Variants in PCCA observed in about 807,000 individuals in gnomAD.
PCCA encodes the protein propionyl-CoA carboxylase subunit alpha, also known as propionyl-CoA carboxylase alpha chain, mitochondrial.
Under a neutral mutation model 101.3 loss-of-function variants are expected in PCCA, and 74 were observed. The ratio of observed to expected loss-of-function variants is 0.73; its 90% CI spans 0.61 to 0.89. The LOEUF (loss-of-function observed/expected upper bound fraction) is 0.89, where lower values mean the gene tolerates loss of function less well. Among genes scored for constraint, PCCA ranks in the 40% least tolerant of loss-of-function variants. The probability of loss-of-function intolerance (pLI) is 0.00; values close to 1 mark genes in which losing one functional copy is unlikely to be tolerated. For synonymous variants in PCCA, 294 were observed against 313.6 expected, an observed-to-expected ratio of 0.94 and a Z score of 0.66; for missense variants, 891 against 907.0, an observed-to-expected ratio of 0.98 and a Z score of 0.23.
chr13:100,224,425 G>A (rs776485803), intron 7 of PCCA, among the ~76,000 whole-genome samples: 1 of 152,222 alleles, frequency 6.6e-6, no homozygotes, highest in East Asian at 1.9e-4. Context: ...TCCCGCTGGC[G>A]CCTCTCCCTC....
intron 8 of PCCA, among the ~76,000 whole-genome samples, chr13:100,256,110 C>T (rs112813450): frequency 6.6e-6 from 1 of 152,094 alleles, no homozygotes; most frequent in Admixed American, 6.6e-5. Context: ...CAGGTTCAAG[C>T]GATTCTCTTG....
intron 8 of PCCA, among the ~76,000 whole-genome samples, chr13:100,239,188 T>C (rs2060977348): frequency 3.3e-5 from 5 of 152,228 alleles, no homozygotes; most frequent in Admixed American, 3.3e-4. Flanking sequence ...ATGCTAATTC[T>C]TGGGTTTAAT....
intron 6 of PCCA, among the ~76,000 whole-genome samples, chr13:100,197,819 G>A (rs551610552): frequency 5.3e-5 from 8 of 152,172 alleles, no homozygotes; most frequent in African/African-American, 9.6e-5. Context: ...TGGGAGAAGG[G>A]GCCATTCTTC....
At chr13:100,181,184 A>T (rs1415824775) in intron 6 of PCCA, among the ~76,000 whole-genome samples, 1 of 152,112 alleles carries the variant, frequency 6.6e-6, no homozygotes, top group African/African-American at 2.4e-5. Context: ...GAATTGGGAG[A>T]TATATTTTTG....
chr13:100,488,043 A>G (rs2084533537), intron 21 of PCCA, among the ~76,000 whole-genome samples: 1 of 151,822 alleles, frequency 6.6e-6, no homozygotes, highest in Non-Finnish European at 1.5e-5. Context: ...ATGTATATAT[A>G]TATATTTTTT....
rs534026749 is a variant in PCCA, at chr13:100,089,332, G to A, written c.105+107G>A. On this transcript the variant is annotated intron_variant, in intron 1 of 23. Coordinates refer to ENST00000376285, the MANE Select transcript of PCCA (RefSeq NM_000282.4). ...GCGCTGGCTGGGTCCGGCTGCCCCCGCGCCCCGGTTCCGCATCAGCTACAC... is the reference window on the plus strand; with the variant it reads ...GCGCTGGCTGGGTCCGGCTGCCCCCACGCCCCGGTTCCGCATCAGCTACAC... 30 of 1,309,224 alleles carry A rather than the reference G, an allele frequency of 2.3e-5. No individual in the cohort carries two copies. The African/African-American group carries it at 4.3e-4, about 19-fold the overall frequency. The allele number at this position is 1,309,224 out of a possible 1,614,324, so 81.1% of individuals were successfully genotyped here.
At chr13:100,241,496 G>A (rs867748901) in intron 8 of PCCA, among the ~76,000 whole-genome samples, 10 of 151,874 alleles carry the variant, frequency 6.6e-5, no homozygotes, top group African/African-American at 1.9e-4. Context: ...TTTGAGATAG[G>A]GTCTCGCTCT....
At chr13:100,184,644 G>T (rs919483111) in intron 6 of PCCA, among the ~76,000 whole-genome samples, 2 of 152,174 alleles carry the variant, frequency 1.3e-5, no homozygotes, top group Non-Finnish European at 2.9e-5. Flanking sequence ...CAGCTCTTCT[G>T]TTGTAGTGTG....
intron 21 of PCCA, chr13:100,491,679 A>T (rs1178408518): frequency 4.6e-6 from 6 of 1,304,040 alleles, no homozygotes; most frequent in Non-Finnish European, 6.1e-6. Context: ...ATTGACTGTG[A>T]GAAGCTTGGC....
chr13:100,327,456 T>C (rs1211311232), intron 16 of PCCA, among the ~76,000 whole-genome samples: 1 of 152,260 alleles, frequency 6.6e-6, no homozygotes, highest in Non-Finnish European at 1.5e-5. Flanking sequence ...AGCCCAGTTT[T>C]GTTAATTCAT....
intron 14 of PCCA, 41 bp from the exon 15 acceptor site, chr13:100,307,151 A>G (rs921066083): frequency 5.6e-6 from 8 of 1,419,986 alleles, no homozygotes; most frequent in African/African-American, 5.6e-5. Flanking sequence ...AAATATCTAC[A>G]CAATATGAAT....
At chr13:100,429,307 A>G (rs2079378412) in intron 20 of PCCA, among the ~76,000 whole-genome samples, 2 of 151,916 alleles carry the variant, frequency 1.3e-5, no homozygotes, top group Admixed American at 1.3e-4. Context: ...GATAGCTACG[A>G]AATGCAATTA....
intron 19 of PCCA, among the ~76,000 whole-genome samples, chr13:100,391,298 A>AGTC (rs1595719383): frequency 6.6e-6 from 1 of 152,200 alleles, no homozygotes; most frequent in African/African-American, 2.4e-5. Context: ...ATGAAAGGAC[A>AGTC]AAGGAGCGGG....
intron 1 of PCCA, among the ~76,000 whole-genome samples, chr13:100,089,835 G>A (rs2046114548): frequency 1.3e-5 from 2 of 152,138 alleles, no homozygotes; most frequent in Admixed American, 6.5e-5. Context: ...ATAGTGGTGA[G>A]CCTGATTTTG....
At chr13:100,177,465 G>C (rs2056340912) in intron 6 of PCCA, among the ~76,000 whole-genome samples, 3 of 152,076 alleles carry the variant, frequency 2.0e-5, no homozygotes, top group Non-Finnish European at 4.4e-5. Flanking sequence ...TGGCAATGTA[G>C]AATTCATGTT....
intron 19 of PCCA, among the ~76,000 whole-genome samples, chr13:100,372,127 T>G (rs1179225021): frequency 1.3e-5 from 2 of 152,148 alleles, no homozygotes; most frequent in Admixed American, 1.3e-4. Flanking sequence ...GGTGGATCAC[T>G]TGAGCTCAGG....
At chr13:100,501,950 C>G (rs1368119035) in intron 21 of PCCA, among the ~76,000 whole-genome samples, 7 of 151,940 alleles carry the variant, frequency 4.6e-5, no homozygotes. Context: ...GCCTAGCGGT[C>G]TGTGGTTTTA....
At chr13:100,362,698 T>G (rs1381486263) in intron 18 of PCCA, among the ~76,000 whole-genome samples, 1 of 152,186 alleles carries the variant, frequency 6.6e-6, no homozygotes, top group Non-Finnish European at 1.5e-5. Flanking sequence ...TATATGAGAT[T>G]ATGAGTAACA....
At chr13:100,232,849 GT>G (rs1423417851) in intron 7 of PCCA, among the ~76,000 whole-genome samples, 4 of 152,088 alleles carry the variant, frequency 2.6e-5, no homozygotes, top group African/African-American at 7.2e-5. Context: ...TCTCTCATTA[GT>G]TTGTAATAAG....
Sources: allele counts gnomAD v4.1 joint callset (sites outside exome capture counted in the v4.1 genomes callset), GRCh38; gene constraint gnomAD v4.1.1; transcripts MANE v1.5; gene names NCBI Gene and HGNC (gene_info 2026-07-23, HGNC 2026-07-21).